Variants in CCSER1 observed in about 807,000 individuals in gnomAD.
The protein encoded by CCSER1 is serine-rich coiled-coil domain-containing protein 1.
In CCSER1, 41 loss-of-function variants were observed where a neutral mutation model predicts 82.0. The ratio of observed to expected loss-of-function variants is 0.50; its 90% CI spans 0.39 to 0.65. The LOEUF is 0.65. CCSER1 is among the 30% of genes least tolerant of loss of function. CCSER1 has a pLI of 0.00. For synonymous variants in CCSER1, 414 were observed against 383.9 expected (o/e 1.08, Z -0.92); for missense variants, 1,119 against 1,064.2 (o/e 1.05, Z -0.72).
chr4:90,461,425 T>C (rs781462586), intron 4 of CCSER1, among the ~76,000 whole-genome samples: 1 of 152,202 alleles, frequency 6.6e-6, no homozygotes, highest in African/African-American at 2.4e-5. Flanking sequence ...ATGATCGGTA[T>C]CAATTCCCAT....
At chr4:90,794,929 G>A (rs182072544) in intron 7 of CCSER1, among the ~76,000 whole-genome samples, 12 of 152,050 alleles carry the variant, frequency 7.9e-5, no homozygotes, top group Admixed American at 7.2e-4. Context: ...TGTGTGTGTG[G>A]CAACTGTAAA....
chr4:91,108,158 A>G (rs1725806342), intron 10 of CCSER1: 4 of 152,238 alleles, frequency 2.6e-5, no homozygotes, highest in South Asian at 4.1e-4. Flanking sequence ...TCTATATATT[A>G]CTGATCCAAT....
intron 10 of CCSER1, among the ~76,000 whole-genome samples, chr4:91,182,606 T>C (rs1273470943): frequency 2.0e-5 from 3 of 152,216 alleles, no homozygotes; most frequent in Non-Finnish European, 4.4e-5. Context: ...TGTTTAATAT[T>C]CCACATAGAG....
At chr4:91,007,720 T>C (rs1027484723) in intron 9 of CCSER1, among the ~76,000 whole-genome samples, 4 of 152,080 alleles carry the variant, frequency 2.6e-5, no homozygotes, top group Non-Finnish European at 4.4e-5. Flanking sequence ...GTATTGTTTT[T>C]GTCATCTTTA....
At chr4:90,621,184 A>G (rs1230975741) in intron 5 of CCSER1, among the ~76,000 whole-genome samples, 1 of 152,134 alleles carries the variant, frequency 6.6e-6, no homozygotes, top group East Asian at 1.9e-4. Flanking sequence ...CAGGCAATAT[A>G]TCAAGACAAA....
rs1323185319 is a variant in CCSER1 at position 90,894,104 on chromosome 4, T to C, written c.2095-29266T>C. Reference sequence around the variant, plus strand: ...AAGTGTGAAAATGCCAAGCATCAGCTAATAAATCTTTGTGACAATTTCTGT... The same window carrying C: ...AAGTGTGAAAATGCCAAGCATCAGCCAATAAATCTTTGTGACAATTTCTGT... On this transcript the variant is annotated intron_variant, in intron 8 of 10. Coordinates refer to ENST00000509176, the MANE Select transcript of CCSER1 (RefSeq NM_001145065.2). Among the ~76,000 whole-genome samples the C allele has an allele frequency of 2.0e-5, 3 of 152,010 alleles. No individual in the cohort carries two copies. In the East Asian group the frequency reaches 5.8e-4, roughly 29 times the overall value.
chr4:90,347,790 T>C (rs940896678), intron 3 of CCSER1, among the ~76,000 whole-genome samples: 1 of 151,502 alleles, frequency 6.6e-6, no homozygotes, highest in Non-Finnish European at 1.5e-5. Context: ...AACTAGAAAA[T>C]AGAAGAAAAT....
intron 10 of CCSER1, among the ~76,000 whole-genome samples, chr4:91,507,302 G>A (rs1274394553): frequency 6.6e-6 from 1 of 152,048 alleles, no homozygotes; most frequent in Non-Finnish European, 1.5e-5. Context: ...TTGTTGTCTG[G>A]TTTCTCTAGT....
chr4:90,497,655 A>G (rs1481579604), intron 5 of CCSER1, among the ~76,000 whole-genome samples: 3 of 152,234 alleles, frequency 2.0e-5, no homozygotes, highest in African/African-American at 7.2e-5. Context: ...AATTGAATAA[A>G]GAATATCAAT....
chr4:91,192,054 T>C (rs999111130), intron 10 of CCSER1, among the ~76,000 whole-genome samples: 8 of 152,278 alleles, frequency 5.3e-5, no homozygotes, highest in African/African-American at 1.9e-4. Context: ...TTGACTTAAC[T>C]ATACCAAATA....
At chr4:90,403,498 CAAAAAAA>C (rs753570201) in intron 4 of CCSER1, among the ~76,000 whole-genome samples, 3 of 45,994 alleles carry the variant, frequency 6.5e-5, no homozygotes, top group African/African-American at 2.0e-4. Context: ...GACTCCGTCT[CAAAAAAA>C]AAAAAAAAAA....
At chr4:91,125,749 C>T (rs932955339) in intron 10 of CCSER1, among the ~76,000 whole-genome samples, 1 of 151,134 alleles carries the variant, frequency 6.6e-6, no homozygotes, top group Non-Finnish European at 1.5e-5. Context: ...AACTTTAACA[C>T]CGAAAAAAAT....
At chr4:91,068,669 C>T (rs1721096258) in intron 9 of CCSER1, among the ~76,000 whole-genome samples, 1 of 152,046 alleles carries the variant, frequency 6.6e-6, no homozygotes, top group Non-Finnish European at 1.5e-5. Context: ...ATGTAAAGTA[C>T]CTACAGCGCA....
chr4:90,170,406 T>G (rs1731420108), intron 1 of CCSER1, among the ~76,000 whole-genome samples: 1 of 141,834 alleles, frequency 7.1e-6, no homozygotes, highest in South Asian at 2.1e-4. Flanking sequence ...CAGCTAACCT[T>G]TTTTTTTTTT....
At chr4:90,444,817 A>G (rs1025625926) in intron 4 of CCSER1, among the ~76,000 whole-genome samples, 4 of 152,026 alleles carry the variant, frequency 2.6e-5, no homozygotes, top group Non-Finnish European at 5.9e-5. Flanking sequence ...AATTACGGGC[A>G]ACTATAATTT....
intron 3 of CCSER1, 96 bp downstream of exon 3, chr4:90,313,143 A>G (rs1735604361): frequency 2.0e-6 from 2 of 1,018,662 alleles, no homozygotes; most frequent in Non-Finnish European, 2.9e-6. Flanking sequence ...TACAGGATAG[A>G]CACCTCATAT....
intron 9 of CCSER1, among the ~76,000 whole-genome samples, chr4:91,037,424 T>A (rs980461535): frequency 1.3e-5 from 2 of 152,170 alleles, no homozygotes; most frequent in African/African-American, 4.8e-5. Context: ...CTCTAAGAAA[T>A]CTCAGATGTA....
At chr4:90,271,008 A>G (rs1289317772) in intron 1 of CCSER1, among the ~76,000 whole-genome samples, 1 of 152,206 alleles carries the variant, frequency 6.6e-6, no homozygotes, top group Non-Finnish European at 1.5e-5. Flanking sequence ...AGAAAATGGA[A>G]AGATATTCCA....
chr4:90,248,130 A>G (rs1432664165), intron 1 of CCSER1, among the ~76,000 whole-genome samples: 2 of 152,170 alleles, frequency 1.3e-5, no homozygotes, highest in East Asian at 1.9e-4. Context: ...TCAAAGTTCT[A>G]TATATGCATG....
Sources: gnomAD v4.1 joint callset for allele counts (sites outside exome capture counted in the v4.1 genomes callset) on GRCh38, gnomAD v4.1.1 for gene constraint, MANE v1.5 for transcripts, NCBI Gene and HGNC (gene_info 2026-07-23, HGNC 2026-07-21) for gene names.